Variants in ACOT7 observed in about 807,000 individuals in gnomAD.
ACOT7 encodes acyl-CoA thioesterase 7, also known as cytosolic acyl coenzyme A thioester hydrolase.
Under a neutral mutation model 40.2 loss-of-function variants are expected in ACOT7, and 12 were observed. That is an observed-to-expected ratio of 0.30 (90% CI 0.19 to 0.48). ACOT7 has a LOEUF of 0.48. Ranked by LOEUF, ACOT7 falls within the 20% of genes least tolerant of loss-of-function variation. The pLI, the probability that ACOT7 is intolerant of heterozygous loss-of-function variation, is 0.99. For missense variants in ACOT7, 395 were observed against 530.8 expected, an observed-to-expected ratio of 0.74 and a Z score of 2.51; for synonymous variants, 228 against 219.5, an observed-to-expected ratio of 1.04 and a Z score of -0.34.
intron 8 of ACOT7, 23 bp downstream of exon 8, chr1:6,281,079 C>G: frequency 6.2e-7 from 1 of 1,608,378 alleles, no homozygotes; most frequent in Non-Finnish European, 8.5e-7. Flanking sequence ...GGAGGGGCCG[C>G]CGTTCCAAGG....
At position 6,288,226 on chromosome 1, in the gene ACOT7, C is replaced by G. The variant is rs1571272986; in HGVS notation, c.829+6638G>C. Among the ~76,000 whole-genome samples, 3 of 152,244 alleles carry G rather than the reference C, an allele frequency of 2.0e-5. No homozygotes were observed. The highest frequency in any genetic ancestry group is 7.2e-5 in the African/African-American group (3 of 41,462). The stretch of plus-strand genomic sequence containing the variant: ...CCCCTGGGTGCGGGCTCCAGCCTGT[C>G]GTGGCCCTCGCGTCCCCAGCACCAA... On this transcript the variant is annotated intron_variant, in intron 7 of 8. Transcript: ENST00000361521. This position sits in a 1 kb window ranked among gnomAD's most constrained non-coding sequence, Gnocchi z 4.3.
intron 2 of ACOT7, among the ~76,000 whole-genome samples, chr1:6,343,239 C>A (rs1641324552): frequency 6.6e-6 from 1 of 152,232 alleles, no homozygotes; most frequent in Non-Finnish European, 1.5e-5. Flanking sequence ...CTCCCACCTA[C>A]CGCCTGCCGC....
chr1:6,321,386 A>C (rs1385070229), intron 5 of ACOT7, among the ~76,000 whole-genome samples: 1 of 152,138 alleles, frequency 6.6e-6, no homozygotes, highest in Non-Finnish European at 1.5e-5. Flanking sequence ...CGTTCTTTCC[A>C]AGTGTCACGC....
intron 3 of ACOT7, among the ~76,000 whole-genome samples, chr1:6,335,325 C>T (rs1641070122): frequency 1.6e-5 from 1 of 61,978 alleles, no homozygotes; most frequent in African/African-American, 7.4e-5. Flanking sequence ...AAAACTCTGC[C>T]TCAAAAAAAA....
chr1:6,367,496 C>T (rs191865176), intron 1 of ACOT7, among the ~76,000 whole-genome samples: 11 of 152,328 alleles, frequency 7.2e-5, no homozygotes, highest in South Asian at 2.1e-4. Flanking sequence ...GCATGGAGTA[C>T]GGCCACTGCA....
chr1:6,347,878 T>C (rs574354676), intron 2 of ACOT7, among the ~76,000 whole-genome samples: 1 of 152,250 alleles, frequency 6.6e-6, no homozygotes, highest in South Asian at 2.1e-4. Flanking sequence ...TGTCAAGTGC[T>C]GACCAAATGG....
chr1:6,336,928 G>A (rs1035485730), intron 3 of ACOT7, among the ~76,000 whole-genome samples: 1 of 152,166 alleles, frequency 6.6e-6, no homozygotes, highest in African/African-American at 2.4e-5. Context: ...AGACAACAGC[G>A]GGCTCCGGGG....
intron 8 of ACOT7, among the ~76,000 whole-genome samples, chr1:6,276,463 T>TG (rs1279282599): frequency 2.0e-5 from 3 of 150,764 alleles, no homozygotes; most frequent in South Asian, 4.2e-4. Context: ...CCGGAGCGGG[T>TG]GCGGCAGCCC....
At chr1:6,325,950 A>T (rs75925863) in intron 5 of ACOT7, among the ~76,000 whole-genome samples, 168 of 152,336 alleles carry the variant, frequency 1.1e-3, no homozygotes, top group African/African-American at 3.9e-3. Flanking sequence ...CAAGGGGGAA[A>T]GGGATTACTT....
At position 6,359,766 on chromosome 1, in the gene ACOT7, G is replaced by A. The variant is rs578058526; in HGVS notation, c.144-9900C>T. Among the ~76,000 whole-genome samples the A allele has an allele frequency of 6.6e-6, 1 of 152,342 alleles. No individual in the cohort carries two copies. On this transcript the variant is annotated intron_variant, in intron 1 of 8. Coordinates refer to ENST00000361521, the MANE Select transcript of ACOT7 (RefSeq NM_007274.4). This position sits in a 1 kb window ranked among gnomAD's most constrained non-coding sequence, Gnocchi z 4.1. ...TGCCCCCACCAGGGCTGCTTTCCCAGGAATCCTGTGACCAGCAAGGGAAAT... is the reference window on the plus strand; with the variant it reads ...TGCCCCCACCAGGGCTGCTTTCCCAAGAATCCTGTGACCAGCAAGGGAAAT...
At position 6,330,002 on chromosome 1, in the gene ACOT7, G is replaced by A. The variant is rs61359159; in HGVS notation, c.511-2589C>T. Among the ~76,000 whole-genome samples, 27,869 of 152,044 alleles carry A rather than the reference G, an allele frequency of 0.18. 5,231 individuals carry two copies. Among genetic ancestry groups the A allele is most frequent in the African/African-American group, 0.48 (19,940 of 41,400 alleles). On this transcript the variant is annotated intron_variant, in intron 4 of 8. Transcript: ENST00000361521. This position sits in a 1 kb window ranked among gnomAD's most constrained non-coding sequence, Gnocchi z 4.6. ...GACATCCTGCGCTAGACGACTGTGCGCATGGCCGGCAGCTGGGTTCCTCCA... is the reference window on the plus strand; with the variant it reads ...GACATCCTGCGCTAGACGACTGTGCACATGGCCGGCAGCTGGGTTCCTCCA...
chr1:6,330,841 C>G lies in ACOT7; in HGVS notation c.510+2636G>C, dbSNP rs1034925820. Among the ~76,000 whole-genome samples the G allele has an allele frequency of 1.3e-5, 2 of 152,168 alleles. No homozygotes were observed. Among genetic ancestry groups the G allele is most frequent in the East Asian group, 3.8e-4 (2 of 5,196 alleles). On this transcript the variant is annotated intron_variant, in intron 4 of 8. Transcript: ENST00000361521. The surrounding 1 kb of genome is among the most constrained non-coding windows in gnomAD (Gnocchi z 4.6). ...TCCAGGCCCGCCCCTCGGTATCACC[C>G]GCCTGAGATGCACCATCAGATGCTG...
chr1:6,336,711 C>T (rs1457866721), intron 3 of ACOT7, among the ~76,000 whole-genome samples: 1 of 152,228 alleles, frequency 6.6e-6, no homozygotes, highest in Admixed American at 6.5e-5. Flanking sequence ...CCCATTCAGC[C>T]AGTGCTCCCC....
chr1:6,378,631 A>G (rs1424744602), intron 1 of ACOT7, among the ~76,000 whole-genome samples: 1 of 151,910 alleles, frequency 6.6e-6, no homozygotes, highest in Non-Finnish European at 1.5e-5. Flanking sequence ...GAGACATCTG[A>G]GCTGTCTGGC....
chr1:6,294,661 G>C lies in ACOT7; in HGVS notation c.829+203C>G, dbSNP rs1229097182. On this transcript the variant is annotated intron_variant, in intron 7 of 8. Transcript: ENST00000361521. This position sits in a 1 kb window ranked among gnomAD's most constrained non-coding sequence, Gnocchi z 4.6. ...GGAGGATAATGGCCCCGTCATATCT[G>C]AGTCAAGGATTTTACCAGATTGAAA... is the stretch of plus-strand genomic sequence containing the variant. 6.6e-6 allele frequency among the ~76,000 whole-genome samples: 1 copy of C among 152,188 alleles called. No individual in the cohort carries two copies. The highest frequency in any genetic ancestry group is 1.9e-4 in the East Asian group (1 of 5,192).
chr1:6,326,386 A>G (rs906527231), intron 5 of ACOT7, among the ~76,000 whole-genome samples: 1 of 152,170 alleles, frequency 6.6e-6, no homozygotes, highest in Middle Eastern at 3.2e-3. Flanking sequence ...AAAACATCTC[A>G]TCGTGCCTTC....
At chr1:6,304,402 T>G (rs1053738292) in intron 6 of ACOT7, among the ~76,000 whole-genome samples, 1 of 149,588 alleles carries the variant, frequency 6.7e-6, no homozygotes, top group African/African-American at 2.4e-5. Context: ...TCTTTTTTTT[T>G]TTTTTTTTTT....
In ACOT7 at chr1:6,269,059, T is replaced by C. The variant is rs200773941; in HGVS notation, c.1015-4364A>G. On this transcript the variant is annotated intron_variant, in intron 8 of 8. Coordinates refer to ENST00000361521, the MANE Select transcript of ACOT7 (RefSeq NM_007274.4). ...CCCATGCTTAGGGCGCGGCAGGCTG[T>C]GCACATCAGGGTCTTCCCAACAACC... Among the ~76,000 whole-genome samples, 3 of 152,326 alleles carry C rather than the reference T, an allele frequency of 2.0e-5. No individual in the cohort carries two copies. The East Asian group carries it at 5.8e-4, about 29-fold the overall frequency.
intron 5 of ACOT7, among the ~76,000 whole-genome samples, chr1:6,322,082 C>T (rs1012166429): frequency 3.9e-5 from 6 of 152,224 alleles, no homozygotes; most frequent in African/African-American, 1.4e-4. Context: ...AGCCACAGGT[C>T]GTGCGAACTG....
Sources: gnomAD v4.1 joint callset for allele counts (sites outside exome capture counted in the v4.1 genomes callset) on GRCh38, gnomAD v4.1.1 for gene constraint, Gnocchi (gnomAD v3.1) non-coding constraint, MANE v1.5 for transcripts, NCBI Gene and HGNC (gene_info 2026-07-23, HGNC 2026-07-21) for gene names.